Variants in SF1 observed in about 807,000 individuals in gnomAD.
SF1 encodes branch point-binding protein.
In SF1, 7 loss-of-function variants were observed where a neutral mutation model predicts 62.5. That is an observed-to-expected ratio of 0.11 (90% CI 0.06 to 0.21). The LOEUF (loss-of-function observed/expected upper bound fraction) is 0.21. Ranked by LOEUF, SF1 falls within the 10% of genes least tolerant of loss-of-function variation. The pLI is 1.00. For missense variants in SF1, 578 were observed against 884.0 expected (o/e 0.65, Z 4.39); for synonymous variants, 394 against 323.6 (o/e 1.22, Z -2.33).
chr11:64,768,496 T>G (rs1261487063), intron 8 of SF1, among the ~76,000 whole-genome samples: 1 of 152,176 alleles, frequency 6.6e-6, no homozygotes, highest in Non-Finnish European at 1.5e-5. Context: ...ATCACCAGAG[T>G]AGAGGGGCCC....
chr11:64,767,175 C>G lies in SF1; in HGVS notation c.1402+17G>C, dbSNP rs1421532169. The G allele has an allele frequency of 1.5e-5, 24 of 1,613,994 alleles. No individual in the cohort carries two copies. The highest frequency in any genetic ancestry group is 2.0e-5 in the Non-Finnish European group (24 of 1,179,886). On this transcript the variant is annotated intron_variant, in intron 11 of 12. Coordinates refer to ENST00000377390, the MANE Select transcript of SF1 (RefSeq NM_004630.4). ...CCAAGCCTAGGTGAAGACCCACAGCCAGCAGACAGCCATTACCTTTTCCTT... is the reference window on the plus strand; with the variant it reads ...CCAAGCCTAGGTGAAGACCCACAGCGAGCAGACAGCCATTACCTTTTCCTT...
Position 64,778,027 on chromosome 11 carries a change from C to G in SF1, c.31+335G>C, listed in dbSNP as rs1939651128. ...CCGGGCCCGGCTGCTGGTCCTTACG[C>G]GGCGGCTGGGGTGGCGGCGGCTGCG... On this transcript the variant is annotated intron_variant, in intron 1 of 12. Coordinates refer to ENST00000377390, the MANE Select transcript of SF1 (RefSeq NM_004630.4). 8.9e-6 allele frequency: 9 copies of G among 1,008,028 alleles called. No individual in the cohort carries two copies. The South Asian group carries it at 4.0e-4, about 45-fold the overall frequency. 62.4% of individuals were successfully genotyped at this position (1,008,028 alleles called of 1,614,324 possible).
Position 64,777,646 on chromosome 11 carries a change from C to T in SF1, c.31+716G>A, listed in dbSNP as rs369653046. On this transcript the variant is annotated intron_variant, in intron 1 of 12. Transcript: ENST00000377390. ...CCCTGCTGGCATTCACAGCTAGCAC[C>T]CCGTCCAGCGCTGAACACCCGCCAC... 49 of 985,634 alleles carry T rather than the reference C, an allele frequency of 5.0e-5. 3 individuals carry two copies. The African/African-American group carries it at 6.1e-4, about 12-fold the overall frequency. 61.1% of individuals were successfully genotyped at this position (985,634 alleles called of 1,614,324 possible).
At chr11:64,773,178 G>GAC in intron 3 of SF1, 1 of 1,324,818 alleles carries the variant, frequency 7.5e-7, no homozygotes, top group Admixed American at 3.7e-5. Flanking sequence ...AGATCTACAT[G>GAC]CTTACCAATT....
chr11:64,771,273 C>G (rs1938282000), intron 3 of SF1, among the ~76,000 whole-genome samples: 1 of 152,038 alleles, frequency 6.6e-6, no homozygotes, highest in African/African-American at 2.4e-5. Context: ...ATAAAATGGT[C>G]AGTTTACCAC....
At chr11:64,767,429 T>C in intron 10 of SF1, 142 bp downstream of exon 10, 1 of 1,071,630 alleles carries the variant, frequency 9.3e-7, no homozygotes, top group Non-Finnish European at 1.4e-6. Flanking sequence ...GTCTTGCTCC[T>C]TCCAGAGCCA....
At chr11:64,774,136 C>T (rs755907898) in intron 2 of SF1, among the ~76,000 whole-genome samples, 8 of 152,320 alleles carry the variant, frequency 5.3e-5, no homozygotes, top group Admixed American at 3.9e-4. Flanking sequence ...ACCTGCAGCT[C>T]TTATTCAATT....
chr11:64,769,741 G>A (rs1479271891), intron 5 of SF1, 132 bp from the exon 6 acceptor site: 14 of 882,468 alleles, frequency 1.6e-5, no homozygotes, highest in East Asian at 1.5e-4. Context: ...AGAGCTCCAT[G>A]AACTCTATAT....
At chr11:64,778,280 G>A in intron 1 of SF1, 82 bp downstream of exon 1, 1 of 1,216,820 alleles carries the variant, frequency 8.2e-7, no homozygotes, top group Non-Finnish European at 1.0e-6. Flanking sequence ...CCCCGCCCCA[G>A]GCCCGGGTGC....
At chr11:64,768,965 G>GA in intron 8 of SF1, 57 bp downstream of exon 8, 1 of 1,159,168 alleles carries the variant, frequency 8.6e-7, no homozygotes, top group Non-Finnish European at 1.3e-6. Flanking sequence ...GAATGTGCCA[G>GA]AAAAGTTGTC....
intron 8 of SF1, 99 bp downstream of exon 8, chr11:64,768,923 T>G: frequency 1.2e-6 from 1 of 839,764 alleles, no homozygotes; most frequent in Non-Finnish European, 2.1e-6. Flanking sequence ...ACAGAAAGGA[T>G]GTTTCTCTTG....
chr11:64,778,145 G>GGCT, intron 1 of SF1: 3 of 857,088 alleles, frequency 3.5e-6, no homozygotes, highest in Non-Finnish European at 2.9e-6. Flanking sequence ...AGGCGGCGGC[G>GGCT]GCTGCTGGGG....
Position 64,766,154 on chromosome 11 carries a change from A to G in SF1, c.1584T>C (p.Asn528=). 1.2e-6 allele frequency: 2 copies of G among 1,603,898 alleles called. No individual in the cohort carries two copies. Among genetic ancestry groups the G allele is most frequent in the Non-Finnish European group, 1.7e-6 (2 of 1,179,586 alleles). The change falls in exon 13 of 13, where the codon AAT becomes AAC. Residue 528 remains asparagine (N), a splice_region_variant and synonymous_variant. Coordinates refer to ENST00000377390, the MANE Select transcript of SF1 (RefSeq NM_004630.4). ...CAGCGCTCGTGGTGGTAGTCGTCGT[A>G]TCTGGGGTGGTAAAGAAGCCCAAGG... is the stretch of plus-strand genomic sequence containing the variant. ...ASSTPLPWQQ[N]TTTTTTSAGT...
Position 64,765,443 on chromosome 11 carries a change from G to C in SF1, c.*375C>G. 1 of 1,600,646 alleles carries C rather than the reference G, an allele frequency of 6.2e-7. No individual in the cohort carries two copies. The highest frequency in any genetic ancestry group is 8.6e-7 in the Non-Finnish European group (1 of 1,167,922). On this transcript the variant is annotated 3_prime_UTR_variant, in exon 13 of 13. Coordinates refer to ENST00000377390, the MANE Select transcript of SF1 (RefSeq NM_004630.4). ...ACCAGGGGCGTTGCTGAGGCTGTCTGCCTGGAAGGGTCACCAATGGGCGCG... is the reference window on the plus strand; with the variant it reads ...ACCAGGGGCGTTGCTGAGGCTGTCTCCCTGGAAGGGTCACCAATGGGCGCG...
intron 1 of SF1, among the ~76,000 whole-genome samples, chr11:64,776,888 A>C (rs924177418): frequency 8.5e-5 from 13 of 152,194 alleles, no homozygotes; most frequent in African/African-American, 2.9e-4. Context: ...AGATATATAA[A>C]CGTGGTAATC....
Position 64,766,038 on chromosome 11 carries a change from A to G in SF1, c.1700T>C (p.Val567Ala). ...CGGCTGGACCCCGGGGGGCAGGGGC[A>G]CCATAGTGGGGTTGCCTTGCATCTG... Reference protein sequence around the residue: ...APQMQGNPTMVPLPPGVQPPL... With the variant: ...APQMQGNPTMAPLPPGVQPPL... The change falls in exon 13 of 13, where the codon GTG becomes GCG. Residue 567 changes from valine to alanine, a missense_variant. Coordinates refer to ENST00000377390, the MANE Select transcript of SF1 (RefSeq NM_004630.4). 1 of 1,610,330 alleles carries G rather than the reference A, an allele frequency of 6.2e-7. No homozygotes were observed. Among genetic ancestry groups the G allele is most frequent in the African/African-American group, 1.3e-5 (1 of 74,738 alleles).
intron 3 of SF1, chr11:64,773,039 T>C: frequency 9.9e-7 from 1 of 1,013,776 alleles, no homozygotes; most frequent in Non-Finnish European, 1.2e-6. Context: ...TGCTCAAAAA[T>C]ATTTTTAGTC....
intron 12 of SF1, 64 bp downstream of exon 12, chr11:64,766,836 T>C (rs1350959292): frequency 1.5e-6 from 2 of 1,317,412 alleles, no homozygotes; most frequent in African/African-American, 2.9e-5. Flanking sequence ...TGTGAGGCTC[T>C]ATGGTTCCTG....
At chr11:64,772,556 A>G in intron 3 of SF1, 1 of 985,082 alleles carries the variant, frequency 1.0e-6, no homozygotes. Context: ...GGTAACAAAA[A>G]CCAAAAACAC....
Sources: allele counts gnomAD v4.1 joint callset (sites outside exome capture counted in the v4.1 genomes callset), GRCh38; gene constraint gnomAD v4.1.1; transcripts MANE v1.5; gene names NCBI Gene and HGNC (gene_info 2026-07-23, HGNC 2026-07-21).